The following NLGN4Y variants were observed in gnomAD, a reference collection of about 807,000 sequenced individuals.
NLGN4Y encodes neuroligin-4, Y-linked.
In NLGN4Y, 4 loss-of-function variants were observed where a neutral mutation model predicts 8.4. The observed-to-expected ratio is 0.48, with a 90% confidence interval of 0.23 to 1.09. The LOEUF (loss-of-function observed/expected upper bound fraction) is 1.09. Ranked by LOEUF, NLGN4Y falls within the 50% of genes least tolerant of loss-of-function variation. NLGN4Y has a pLI of 0.19. For missense variants in NLGN4Y, 90 were observed against 192.3 expected (o/e 0.47, Z 3.15); for synonymous variants, 35 against 75.6 (o/e 0.46, Z 2.78).
At chrY:14,657,410 C>A (rs761903592) in intron 2 of NLGN4Y, among the ~76,000 whole-genome samples, 1 of 32,888 alleles carries the variant, frequency 3.0e-5, no homozygotes, top group Admixed American at 2.9e-4. Flanking sequence ...GAGGACTAAT[C>A]AGGGGATTGG....
chrY:14,755,738 G>A, intron 4 of NLGN4Y, among the ~76,000 whole-genome samples: 1 of 33,724 alleles, frequency 3.0e-5, no homozygotes, highest in East Asian at 7.8e-4. Context: ...TACTCCAGAG[G>A]TTGAGTAAGC....
chrY:14,699,433 G>C (rs983242806), intron 2 of NLGN4Y, among the ~76,000 whole-genome samples: 6 of 33,715 alleles, frequency 1.8e-4, no homozygotes, highest in Non-Finnish European at 3.7e-4. Flanking sequence ...CCCCGGCAGA[G>C]GGAGGAGGTT....
In NLGN4Y at chrY:14,845,574, T is replaced by C. The variant is rs2150604897; in HGVS notation, c.*4312T>C. 6.1e-5 allele frequency: 2 copies of C among 33,021 alleles called. No individual in the cohort carries two copies. The highest frequency in any genetic ancestry group is 1.5e-4 in the Non-Finnish European group (2 of 13,420). The allele number at this position is 33,021 out of a possible 400,897, so 8.2% of individuals were successfully genotyped here. ...ATAATTGTTCTATTTTATTAGCTAT[T>C]GTTCATCTCTTACTCCATCTACTTT... On this transcript the variant is annotated 3_prime_UTR_variant, in exon 7 of 7. Coordinates refer to ENST00000684976, the MANE Select transcript of NLGN4Y (RefSeq NM_001365588.1).
intron 4 of NLGN4Y, among the ~76,000 whole-genome samples, chrY:14,757,486 T>C: frequency 3.0e-5 from 1 of 33,510 alleles, no homozygotes; most frequent in Admixed American, 2.7e-4. Flanking sequence ...TTGTTTGTTT[T>C]TTGGTATCAC....
At chrY:14,745,502 A>G (rs2081021814) in intron 4 of NLGN4Y, among the ~76,000 whole-genome samples, 1 of 33,378 alleles carries the variant, frequency 3.0e-5, no homozygotes, top group Admixed American at 2.8e-4. Context: ...AATCTCAGAA[A>G]AGGAATAAAA....
chrY:14,657,407 A>G (rs776955109), intron 2 of NLGN4Y, among the ~76,000 whole-genome samples: 3 of 32,955 alleles, frequency 9.1e-5, no homozygotes, highest in Middle Eastern at 0.014. Flanking sequence ...AAGGAGGACT[A>G]ATCAGGGGAT....
intron 1 of NLGN4Y, among the ~76,000 whole-genome samples, chrY:14,526,974 G>A (rs2080096328): frequency 6.0e-5 from 2 of 33,272 alleles, no homozygotes; most frequent in African/African-American, 2.3e-4. Flanking sequence ...TCATTTTTGT[G>A]TGTGTAGTAA....
At chrY:14,777,198 T>A (rs981915558) in intron 4 of NLGN4Y, among the ~76,000 whole-genome samples, 13 of 34,207 alleles carry the variant, frequency 3.8e-4, no homozygotes, top group Non-Finnish European at 8.0e-4. Flanking sequence ...GTGTAGGTTT[T>A]GAAATTCTCA....
At chrY:14,817,969 C>G (rs2043108360) in intron 4 of NLGN4Y, among the ~76,000 whole-genome samples, 1 of 32,471 alleles carries the variant, frequency 3.1e-5, no homozygotes, top group Non-Finnish European at 7.5e-5. Context: ...TTTTGTACTC[C>G]TAGAATTGGA....
chrY:14,612,368 G>A lies in NLGN4Y; in HGVS notation c.-111-9641G>A, dbSNP rs77497752. ...TGATGATCCTTTGGAAGAGAAGAGG[G>A]ATTCTGGTTTTTGGAATTTTCAGAA... On this transcript the variant is annotated intron_variant, in intron 1 of 6. Coordinates refer to ENST00000684976, the MANE Select transcript of NLGN4Y (RefSeq NM_001365588.1). Among the ~76,000 whole-genome samples the A allele has an allele frequency of 0.018, 594 of 33,529 alleles. No individual in the cohort carries two copies. The East Asian group carries it at 0.46, about 26-fold the overall frequency. The allele number at this position is 33,529 out of a possible 37,273, so 90.0% of individuals were successfully genotyped here.
At chrY:14,700,124 A>G (rs2080844067) in intron 2 of NLGN4Y, among the ~76,000 whole-genome samples, 1 of 33,930 alleles carries the variant, frequency 2.9e-5, no homozygotes, top group Non-Finnish European at 7.3e-5. Flanking sequence ...AACAACTTGG[A>G]ATACTTAAAA....
intron 4 of NLGN4Y, among the ~76,000 whole-genome samples, chrY:14,820,550 C>A: frequency 3.0e-5 from 1 of 33,075 alleles, no homozygotes; most frequent in Non-Finnish European, 7.4e-5. Context: ...CCCCTCCCAA[C>A]AAAGCTTCAG....
At chrY:14,596,185 T>C (rs2080396688) in intron 1 of NLGN4Y, among the ~76,000 whole-genome samples, 1 of 33,348 alleles carries the variant, frequency 3.0e-5, no homozygotes, top group Non-Finnish European at 7.4e-5. Flanking sequence ...GGAATAACTT[T>C]TGTTAGGCCT....
At chrY:14,827,424 C>CT (rs2043152247) in intron 5 of NLGN4Y, among the ~76,000 whole-genome samples, 2 of 33,143 alleles carry the variant, frequency 6.0e-5, no homozygotes, top group Non-Finnish European at 1.5e-4. Context: ...GCAAAAATAC[C>CT]TTTTTGTTGG....
intron 2 of NLGN4Y, among the ~76,000 whole-genome samples, chrY:14,699,929 C>T (rs765491992): frequency 6.1e-5 from 2 of 32,756 alleles, no homozygotes; most frequent in Non-Finnish European, 1.5e-4. Flanking sequence ...TAAATACTTG[C>T]GTTCAACAAA....
intron 2 of NLGN4Y, among the ~76,000 whole-genome samples, chrY:14,701,195 GCACACA>G (rs371313575): frequency 5.3e-3 from 117 of 22,261 alleles, no homozygotes; most frequent in African/African-American, 0.016. Flanking sequence ...GCATGCACAC[GCACACA>G]CACACACACA....
At chrY:14,756,703 C>G in intron 4 of NLGN4Y, among the ~76,000 whole-genome samples, 2 of 25,999 alleles carry the variant, frequency 7.7e-5, no homozygotes, top group Admixed American at 4.1e-4. Flanking sequence ...CGAGATCACA[C>G]CATTGCACTC....
Position 14,845,377 on chromosome Y carries a change from G to A in NLGN4Y, c.*4115G>A, listed in dbSNP as rs1051422258. On this transcript the variant is annotated 3_prime_UTR_variant, in exon 7 of 7. Coordinates refer to ENST00000684976, the MANE Select transcript of NLGN4Y (RefSeq NM_001365588.1). ...ATACACACAAATCTATAACACATTT[G>A]TGCTCACATATACATTCCTCTGTGT... The A allele has an allele frequency of 6.1e-5, 2 of 32,928 alleles. No homozygotes were observed. Among genetic ancestry groups the A allele is most frequent in the Admixed American group, 2.8e-4 (1 of 3,585 alleles). The allele number at this position is 32,928 out of a possible 400,897, so 8.2% of individuals were successfully genotyped here.
At chrY:14,632,136 G>T (rs2080551332) in intron 2 of NLGN4Y, among the ~76,000 whole-genome samples, 2 of 33,968 alleles carry the variant, frequency 5.9e-5, no homozygotes, top group Non-Finnish European at 1.5e-4. Flanking sequence ...TGTGCATAGT[G>T]GGTCTGGTAT....
Sources: gnomAD v4.1 joint callset for allele counts (sites outside exome capture counted in the v4.1 genomes callset) on GRCh38, gnomAD v4.1.1 for gene constraint, MANE v1.5 for transcripts, NCBI Gene and HGNC (gene_info 2026-07-23, HGNC 2026-07-21) for gene names.